The following TRIM33 variants were observed in gnomAD, a reference collection of about 807,000 sequenced individuals.
TRIM33 encodes the protein tripartite motif containing 33, also known as E3 ubiquitin-protein ligase TRIM33.
Under a neutral mutation model 125.4 loss-of-function variants are expected in TRIM33, and 20 were observed. The observed-to-expected ratio is 0.16, with a 90% CI of 0.11 to 0.23. The LOEUF is 0.23. Among genes scored for constraint, TRIM33 ranks in the 10% least tolerant of loss-of-function variants. The pLI, the probability that TRIM33 is intolerant of heterozygous loss-of-function variation, is 1.00. For synonymous variants in TRIM33, 564 were observed against 513.9 expected (o/e 1.10, Z -1.32); for missense variants, 920 against 1,411.4 (o/e 0.65, Z 5.58).
chr1:114,393,585 A>C lies in TRIM33; in HGVS notation c.*4063T>G, dbSNP rs527765450. 4.8e-6 allele frequency: 1 copy of C among 208,506 alleles called. No individual in the cohort carries two copies. The highest frequency in any genetic ancestry group is 1.9e-4 in the South Asian group (1 of 5,320). 12.9% of individuals were successfully genotyped at this position (208,506 alleles called of 1,614,324 possible). On this transcript the variant is annotated 3_prime_UTR_variant, in exon 20 of 20. Transcript: ENST00000358465. ...TAGTTTTGTTTCTTCGATACAATAA[A>C]AAATATATAAAGGACCACATAGGCA... is the stretch of plus-strand genomic sequence containing the variant.
In TRIM33 at chr1:114,397,520, T is replaced by G. The variant is rs1373351674; in HGVS notation, c.*128A>C. 1.5e-6 allele frequency: 1 copy of G among 660,722 alleles called. No homozygotes were observed. Among genetic ancestry groups the G allele is most frequent in the East Asian group, 2.7e-5 (1 of 37,156 alleles). 40.9% of individuals were successfully genotyped at this position (660,722 alleles called of 1,614,324 possible). ...CTAATACTGTGTAAAAGCTATCAGC[T>G]TCTTCAAGGAGGTGCCCACTGTAGG... On this transcript the variant is annotated 3_prime_UTR_variant, in exon 20 of 20. Transcript: ENST00000358465.
At chr1:114,479,179 A>C (rs1316563716) in intron 1 of TRIM33, among the ~76,000 whole-genome samples, 2 of 152,232 alleles carry the variant, frequency 1.3e-5, no homozygotes, top group Non-Finnish European at 2.9e-5. Context: ...CCAGTAGAAC[A>C]ATGTCAAGCT....
Position 114,510,970 on chromosome 1 carries a change from G to A in TRIM33, c.107C>T (p.Pro36Leu), listed in dbSNP as rs1311648424. 2.0e-5 allele frequency: 28 copies of A among 1,367,562 alleles called. No individual in the cohort carries two copies. The highest frequency in any genetic ancestry group is 2.7e-4 in the Middle Eastern group (1 of 3,712). 84.7% of individuals were successfully genotyped at this position (1,367,562 alleles called of 1,614,324 possible). A position where few individuals can be genotyped will look rare whatever the true frequency, so the allele number is the denominator to read the frequency against. ...AAGPAAQEAE[P>L]PLTAVLVEEE... The stretch of plus-strand genomic sequence containing the variant: ...CTCCACCAGCACCGCGGTGAGAGGC[G>A]GCTCCGCCTCCTGCGCGGCGGGCCC... Residue 36 changes from proline (P) to leucine (L), a missense_variant, in exon 1 of 20, where the codon CCG becomes CTG. Physicochemically the swap from Pro to Leu is moderately conservative, Grantham distance 98 (BLOSUM62 -3). Around this residue, in one of 8 missense-constraint regions of TRIM33, gnomAD observed 233 missense variants for 189.6 expected, o/e 1.23. Transcript: ENST00000358465.
At chr1:114,418,563 G>C (rs982765962) in intron 11 of TRIM33, among the ~76,000 whole-genome samples, 2 of 152,148 alleles carry the variant, frequency 1.3e-5, no homozygotes, top group African/African-American at 4.8e-5. Flanking sequence ...GAGACCACCA[G>C]GCTAGGAGGA....
chr1:114,414,027 G>GCACACGCA (rs1652767830), intron 11 of TRIM33, among the ~76,000 whole-genome samples: 1 of 130,588 alleles, frequency 7.7e-6, no homozygotes, highest in African/African-American at 3.0e-5. Context: ...TAAATCACAG[G>GCACACGCA]CACACACACA....
At chr1:114,499,114 T>G (rs1249181675) in intron 1 of TRIM33, among the ~76,000 whole-genome samples, 2 of 152,132 alleles carry the variant, frequency 1.3e-5, no homozygotes, top group East Asian at 3.8e-4. Context: ...GCCTTAAAAG[T>G]TCTGAGGAAA....
intron 1 of TRIM33, among the ~76,000 whole-genome samples, chr1:114,492,008 G>A (rs558536980): frequency 1.1e-4 from 17 of 152,210 alleles, no homozygotes; most frequent in Non-Finnish European, 2.2e-4. Context: ...TCAACAAAAA[G>A]CACAATGAGA....
chr1:114,428,572 C>G (rs1213910148), intron 6 of TRIM33, among the ~76,000 whole-genome samples: 3 of 152,212 alleles, frequency 2.0e-5, no homozygotes, highest in Non-Finnish European at 4.4e-5. Context: ...AACTCATCTA[C>G]TACTTTCTTA....
intron 4 of TRIM33, among the ~76,000 whole-genome samples, chr1:114,454,474 C>T (rs552176029): frequency 1.3e-5 from 2 of 151,932 alleles, no homozygotes; most frequent in South Asian, 4.2e-4. Flanking sequence ...CTGCTTGAGC[C>T]CAGGAGTTCA....
At chr1:114,462,561 T>G (rs552173892) in intron 4 of TRIM33, among the ~76,000 whole-genome samples, 1 of 152,212 alleles carries the variant, frequency 6.6e-6, no homozygotes, top group Non-Finnish European at 1.5e-5. Flanking sequence ...CTAGAAATTT[T>G]TGTACAGTTT....
chr1:114,479,720 G>T (rs1651186522), intron 1 of TRIM33, among the ~76,000 whole-genome samples: 2 of 151,446 alleles, frequency 1.3e-5, no homozygotes, highest in African/African-American at 4.9e-5. Flanking sequence ...GTGGAACAAA[G>T]TTGCTATATT....
intron 1 of TRIM33, among the ~76,000 whole-genome samples, chr1:114,502,598 C>G (rs893338686): frequency 4.6e-5 from 7 of 152,180 alleles, no homozygotes; most frequent in Non-Finnish European, 1.0e-4. Context: ...CCTCAACCTC[C>G]CAGCCTCAAG....
intron 1 of TRIM33, chr1:114,468,813 AG>A: frequency 3.1e-6 from 1 of 322,248 alleles, no homozygotes; most frequent in South Asian, 3.0e-5. Flanking sequence ...AGGCCCTGCT[AG>A]GGCAGTCTCA....
rs1048806679 is a variant in TRIM33, at chr1:114,394,255, CAT to C, written c.*3391_*3392del. 8.7e-6 allele frequency: 2 copies of C among 229,050 alleles called. No homozygotes were observed. Among genetic ancestry groups the C allele is most frequent in the African/African-American group, 4.4e-5 (2 of 45,046 alleles). 14.2% of individuals were successfully genotyped at this position (229,050 alleles called of 1,614,324 possible). ...CAAGAAATGAGATTTTTATATTTCA[CAT>C]GTTGTACATGAATGGGGGTGGATAT... On this transcript the variant is annotated 3_prime_UTR_variant, in exon 20 of 20. Transcript: ENST00000358465.
chr1:114,411,482 C>T (rs1652584633), intron 11 of TRIM33, among the ~76,000 whole-genome samples: 1 of 152,236 alleles, frequency 6.6e-6, no homozygotes, highest in African/African-American at 2.4e-5. Context: ...AGGTGAATCC[C>T]TAGCTGCAAC....
At chr1:114,480,208 C>T (rs1162885543) in intron 1 of TRIM33, among the ~76,000 whole-genome samples, 1 of 152,094 alleles carries the variant, frequency 6.6e-6, no homozygotes, top group East Asian at 1.9e-4. Context: ...GAAACATGTG[C>T]TGTGTCCACT....
intron 1 of TRIM33, among the ~76,000 whole-genome samples, chr1:114,499,994 C>G (rs545651899): frequency 2.0e-5 from 3 of 152,264 alleles, no homozygotes; most frequent in Non-Finnish European, 4.4e-5. Flanking sequence ...TGGTGAAATC[C>G]TGTCTCTACT....
At chr1:114,457,075 A>G (rs961830015) in intron 4 of TRIM33, among the ~76,000 whole-genome samples, 1 of 152,232 alleles carries the variant, frequency 6.6e-6, no homozygotes, top group Non-Finnish European at 1.5e-5. Context: ...TGAAGGACAC[A>G]TATTCCATAT....
intron 4 of TRIM33, among the ~76,000 whole-genome samples, chr1:114,446,625 C>G (rs1162702814): frequency 6.6e-6 from 1 of 151,884 alleles, no homozygotes; most frequent in Non-Finnish European, 1.5e-5. Flanking sequence ...TATTTATAAA[C>G]TTAAAATAAT....
Sources: gnomAD v4.1 joint callset for allele counts (sites outside exome capture counted in the v4.1 genomes callset) on GRCh38, gnomAD v4.1.1 for gene constraint, gnomAD v4.1.1 regional missense constraint, MANE v1.5 for transcripts, NCBI Gene and HGNC (gene_info 2026-07-23, HGNC 2026-07-21) for gene names.